NIPSNAP2: variants seen among roughly 807,000 people sequenced by gnomAD.
NIPSNAP2 encodes the protein nipsnap homolog 2.
A neutral mutation model predicts 48.4 loss-of-function variants in NIPSNAP2; 42 were observed. That is an observed-to-expected ratio of 0.87 (90% CI 0.68 to 1.12). NIPSNAP2 has a LOEUF of 1.12. Ranked by LOEUF, NIPSNAP2 falls within the 50% of genes most tolerant of loss-of-function variation. The probability of loss-of-function intolerance (pLI) is 0.00; values close to 1 mark genes in which losing one functional copy is unlikely to be tolerated. For synonymous variants in NIPSNAP2, 158 were observed against 126.6 expected (o/e 1.25, Z -1.67); for missense variants, 314 against 347.3 (o/e 0.90, Z 0.76).
At chr7:55,968,511 G>A (rs568509267) in intron 1 of NIPSNAP2, among the ~76,000 whole-genome samples, 17 of 151,392 alleles carry the variant, frequency 1.1e-4, no homozygotes, top group East Asian at 5.9e-4. Flanking sequence ...TCAGCCTCCC[G>A]ATTAGCTGGG....
chr7:55,979,851 G>A, intron 3 of NIPSNAP2: 1 of 456,568 alleles, frequency 2.2e-6, no homozygotes, highest in Non-Finnish European at 4.4e-6. Context: ...TCCAGTTCTG[G>A]GTACAAGTAC....
intron 7 of NIPSNAP2, among the ~76,000 whole-genome samples, chr7:55,987,454 C>A (rs1035477820): frequency 2.6e-5 from 4 of 152,078 alleles, no homozygotes; most frequent in African/African-American, 9.7e-5. Context: ...ATGGCAAAAC[C>A]CCGTCTCTAC....
intron 1 of NIPSNAP2, among the ~76,000 whole-genome samples, chr7:55,969,863 G>T (rs559804937): frequency 1.2e-3 from 175 of 151,714 alleles, no homozygotes; most frequent in African/African-American, 3.6e-3. Context: ...GGCGCCTGTA[G>T]TCCCAGCTAC....
At chr7:55,998,941 T>C (rs1584354836) in intron 9 of NIPSNAP2, 67 bp from the exon 10 acceptor site, 2 of 1,269,660 alleles carry the variant, frequency 1.6e-6, no homozygotes, top group Non-Finnish European at 2.3e-6. Flanking sequence ...GCAATCTGTC[T>C]GTTAGTGTCA....
intron 7 of NIPSNAP2, among the ~76,000 whole-genome samples, chr7:55,994,640 G>T (rs1173471675): frequency 6.6e-6 from 1 of 152,194 alleles, no homozygotes; most frequent in East Asian, 1.9e-4. Context: ...TCGAACCCAG[G>T]AGGTGGAGGT....
At chr7:55,982,806 A>C (rs1477785385) in intron 5 of NIPSNAP2, among the ~76,000 whole-genome samples, 1 of 151,736 alleles carries the variant, frequency 6.6e-6, no homozygotes, top group African/African-American at 2.4e-5. Context: ...TTATGCTTTG[A>C]AACTGATAAG....
At chr7:55,994,366 T>C (rs1258714182) in intron 7 of NIPSNAP2, among the ~76,000 whole-genome samples, 1 of 152,192 alleles carries the variant, frequency 6.6e-6, no homozygotes, top group Non-Finnish European at 1.5e-5. Flanking sequence ...ATACATTTTC[T>C]CAAAAAAATT....
At chr7:55,977,323 G>A (rs1299531994) in intron 1 of NIPSNAP2, among the ~76,000 whole-genome samples, 2 of 152,094 alleles carry the variant, frequency 1.3e-5, no homozygotes, top group South Asian at 2.1e-4. Context: ...CCTGGGAGGC[G>A]GAGGTTGCAG....
At chr7:55,997,188 C>G (rs948368746) in intron 8 of NIPSNAP2, among the ~76,000 whole-genome samples, 178 bp from the exon 9 acceptor site, 8 of 151,138 alleles carry the variant, frequency 5.3e-5, no homozygotes, top group African/African-American at 1.9e-4. Flanking sequence ...TGAAAGTTTG[C>G]TTTTCCCACG....
At position 55,964,604 on chromosome 7, in the gene NIPSNAP2, A is replaced by G; in HGVS notation, c.-6A>G. The stretch of plus-strand genomic sequence containing the variant: ...CCGGGCGGTGGGAGCCGAGGCGCCG[A>G]GCAAGATGGCGGCGCGAGTGCTGCG... On this transcript the variant is annotated 5_prime_UTR_variant, in exon 1 of 10. Transcript: ENST00000322090. The G allele has an allele frequency of 9.8e-7, 1 of 1,022,646 alleles. No individual in the cohort carries two copies. Among genetic ancestry groups the G allele is most frequent in the African/African-American group, 1.7e-5 (1 of 57,778 alleles). The allele number at this position is 1,022,646 out of a possible 1,614,324, so 63.3% of individuals were successfully genotyped here. A position where few individuals can be genotyped will look rare whatever the true frequency, so the allele number is the denominator to read the frequency against.
At chr7:55,966,878 C>G (rs1265071490) in intron 1 of NIPSNAP2, among the ~76,000 whole-genome samples, 1 of 152,066 alleles carries the variant, frequency 6.6e-6, no homozygotes, top group East Asian at 1.9e-4. Context: ...CTGGGATGTG[C>G]AGCGTATATA....
chr7:55,973,640 A>T (rs1315475964), intron 1 of NIPSNAP2, among the ~76,000 whole-genome samples: 10 of 137,194 alleles, frequency 7.3e-5, no homozygotes, highest in Admixed American at 6.6e-4. Context: ...ACACCCAGCT[A>T]TTTTTTTTTT....
intron 1 of NIPSNAP2, among the ~76,000 whole-genome samples, chr7:55,970,123 A>G (rs906430027): frequency 2.0e-5 from 3 of 151,600 alleles, no homozygotes; most frequent in Non-Finnish European, 4.4e-5. Flanking sequence ...CTTCTTCTGA[A>G]TGCACTCCTT....
intron 1 of NIPSNAP2, among the ~76,000 whole-genome samples, chr7:55,971,233 G>A (rs1474564046): frequency 1.3e-5 from 2 of 152,126 alleles, no homozygotes. Flanking sequence ...GGCAGCTTTG[G>A]TCACCTGACA....
At position 55,999,004 on chromosome 7, in the gene NIPSNAP2, T is replaced by G. The variant is rs763557374; in HGVS notation, c.797-4T>G. The G allele has an allele frequency of 6.2e-7, 1 of 1,613,584 alleles. No homozygotes were observed. Among genetic ancestry groups the G allele is most frequent in the African/African-American group, 1.3e-5 (1 of 75,034 alleles). On this transcript the variant is annotated splice_region_variant and splice_polypyrimidine_tract_variant and intron_variant, in intron 9 of 9. Coordinates refer to ENST00000322090, the MANE Select transcript of NIPSNAP2 (RefSeq NM_001483.3). ...AAGTGCAGTAACCCTGATCTTGTTT[T>G]CAGTTCCACTTATTCAGGAAATGGA...
intron 7 of NIPSNAP2, among the ~76,000 whole-genome samples, chr7:55,990,263 C>G (rs1449043704): frequency 7.2e-6 from 1 of 139,014 alleles, no homozygotes; most frequent in Non-Finnish European, 1.5e-5. Flanking sequence ...GAGTCTTGCT[C>G]TGTTGCCCAG....
At chr7:55,995,142 C>T (rs190437622) in intron 8 of NIPSNAP2, among the ~76,000 whole-genome samples, 154 bp downstream of exon 8, 9 of 152,162 alleles carry the variant, frequency 5.9e-5, no homozygotes, top group East Asian at 1.9e-4. Flanking sequence ...CTGGAACTAG[C>T]GAGGTCAACA....
chr7:55,988,573 A>G (rs1485863470), intron 7 of NIPSNAP2, among the ~76,000 whole-genome samples: 1 of 152,148 alleles, frequency 6.6e-6, no homozygotes. Flanking sequence ...CAGAAATTAC[A>G]TGTGGGCTGG....
At chr7:55,993,755 T>C (rs112539789) in intron 7 of NIPSNAP2, among the ~76,000 whole-genome samples, 84 of 152,128 alleles carry the variant, frequency 5.5e-4, no homozygotes, top group African/African-American at 1.9e-3. Context: ...ATTAAAGAGC[T>C]GATACCTTTT....
Sources: allele counts gnomAD v4.1 joint callset (sites outside exome capture counted in the v4.1 genomes callset), GRCh38; gene constraint gnomAD v4.1.1; transcripts MANE v1.5; gene names NCBI Gene and HGNC (gene_info 2026-07-23, HGNC 2026-07-21).